Variants in DLG3 observed in about 807,000 individuals in gnomAD.
DLG3 encodes discs large MAGUK scaffold protein 3, also known as disks large homolog 3.
In DLG3, 1 loss-of-function variant was observed where a neutral mutation model predicts 64.1. That is an observed-to-expected ratio of 0.02 (90% CI 0.01 to 0.07). The LOEUF (loss-of-function observed/expected upper bound fraction) is 0.07, where lower values mean the gene tolerates loss of function less well. Among genes scored for constraint, DLG3 ranks in the 10% least tolerant of loss-of-function variants. The pLI, the probability that DLG3 is intolerant of heterozygous loss-of-function variation, is 1.00. For missense variants in DLG3, 429 were observed against 669.5 expected, an observed-to-expected ratio of 0.64 and a Z score of 3.96; for synonymous variants, 245 against 259.8, an observed-to-expected ratio of 0.94 and a Z score of 0.55.
intron 1 of DLG3, among the ~76,000 whole-genome samples, chrX:70,446,835 G>A (rs1368432879): frequency 8.9e-6 from 1 of 112,410 alleles, no homozygotes; most frequent in African/African-American, 3.2e-5. Flanking sequence ...GAGGGCAGGT[G>A]ATGACTTCCC....
At chrX:70,476,310 G>A (rs1197893583) in intron 9 of DLG3, among the ~76,000 whole-genome samples, 2 of 111,737 alleles carry the variant, frequency 1.8e-5, no homozygotes, top group Non-Finnish European at 3.8e-5. Context: ...GGGCCCTCTG[G>A]GTTAGAGGCT....
intron 9 of DLG3, among the ~76,000 whole-genome samples, chrX:70,472,249 C>T (rs1391176378): frequency 1.8e-5 from 2 of 111,876 alleles, no homozygotes; most frequent in African/African-American, 3.2e-5. Flanking sequence ...GAAGGGATGG[C>T]GCTAAACCAA....
chrX:70,446,072 A>G (rs973903046), intron 1 of DLG3, among the ~76,000 whole-genome samples: 1 of 110,962 alleles, frequency 9.0e-6, no homozygotes, highest in Non-Finnish European at 1.9e-5. Context: ...CCTTGATGCC[A>G]TGAGTCCCTC....
intron 9 of DLG3, among the ~76,000 whole-genome samples, chrX:70,471,416 G>A (rs7888744): frequency 0.26 from 27,592 of 105,313 alleles, 3,236 homozygotes; most frequent in African/African-American, 0.41. Context: ...TGCAAGCTCC[G>A]CCTCCTGGGT....
intron 9 of DLG3, among the ~76,000 whole-genome samples, chrX:70,463,124 A>G (rs1424824679): frequency 9.0e-6 from 1 of 111,549 alleles, no homozygotes; most frequent in Non-Finnish European, 1.9e-5. Flanking sequence ...CAGTAATGAG[A>G]ATGAGTTATT....
At chrX:70,465,413 A>T (rs2086869720) in intron 9 of DLG3, among the ~76,000 whole-genome samples, 1 of 112,228 alleles carries the variant, frequency 8.9e-6, no homozygotes, top group African/African-American at 3.2e-5. Flanking sequence ...TGAAGCCAGG[A>T]GCAGTGTGGA....
Position 70,505,366 on chromosome X carries a change from C to T in DLG3, c.*3097C>T, listed in dbSNP as rs747803334. 1.2e-4 allele frequency: 14 copies of T among 112,213 alleles called. No individual in the cohort carries two copies. Among genetic ancestry groups the T allele is most frequent in the African/African-American group, 4.2e-4 (13 of 30,912 alleles). 9.2% of individuals were successfully genotyped at this position (112,213 alleles called of 1,213,427 possible). A position where few individuals can be genotyped will look rare whatever the true frequency, so the allele number is the denominator to read the frequency against. On this transcript the variant is annotated 3_prime_UTR_variant, in exon 19 of 19. Coordinates refer to ENST00000374360, the MANE Select transcript of DLG3 (RefSeq NM_021120.4). ...AAGGAGGAGAGAGCCCTATCTCCTC[C>T]TGGTTTTGTTGCTGACATTGCAGCT...
intron 12 of DLG3, chrX:70,493,401 G>T (rs1465070095): frequency 1.7e-6 from 2 of 1,207,039 alleles, no homozygotes; most frequent in Non-Finnish European, 2.2e-6. Flanking sequence ...CGTAAAAAGA[G>T]TTTCCGCCTC....
At chrX:70,451,801 C>T in intron 6 of DLG3, 66 bp from the exon 7 acceptor site, 1 of 1,171,185 alleles carries the variant, frequency 8.5e-7, no homozygotes, top group African/African-American at 1.8e-5. Flanking sequence ...GGGGAAAGTC[C>T]TTGAGGAGTT....
At chrX:70,472,033 A>G (rs1387467650) in intron 9 of DLG3, among the ~76,000 whole-genome samples, 1 of 111,875 alleles carries the variant, frequency 8.9e-6, no homozygotes, top group Non-Finnish European at 1.9e-5. Flanking sequence ...TGCTATCTCA[A>G]GCACTTATAA....
At chrX:70,496,994 C>T (rs181113207) in intron 13 of DLG3, among the ~76,000 whole-genome samples, 27 of 112,225 alleles carry the variant, frequency 2.4e-4, no homozygotes, top group Non-Finnish European at 3.9e-4. Flanking sequence ...GGGACAAGTA[C>T]GAGAGGGCCA....
chrX:70,488,609 G>A (rs2147864773), intron 10 of DLG3, among the ~76,000 whole-genome samples: 1 of 112,178 alleles, frequency 8.9e-6, no homozygotes, highest in Admixed American at 9.4e-5. Flanking sequence ...GATTAGCCTG[G>A]TAGAGAAGAT....
chrX:70,446,430 C>CG (rs1216453844), intron 1 of DLG3, among the ~76,000 whole-genome samples: 2 of 17,013 alleles, frequency 1.2e-4, no homozygotes, highest in South Asian at 2.7e-3. Context: ...GGTGGGGTGG[C>CG]GGGGGGCGGG....
chrX:70,482,341 G>T (rs1302878588), intron 10 of DLG3, among the ~76,000 whole-genome samples: 1 of 112,113 alleles, frequency 8.9e-6, no homozygotes, highest in Non-Finnish European at 1.9e-5. Flanking sequence ...AGATAAAGGG[G>T]AACAAACATT....
rs1034875426 is a variant in DLG3 at position 70,450,087 on chromosome X, G to GGGA, written c.704-79_704-77dup. 3.5e-6 allele frequency: 4 copies of GGGA among 1,154,983 alleles called. No homozygotes were observed. In the African/African-American group the frequency reaches 7.1e-5, roughly 20 times the overall value. On this transcript the variant is annotated intron_variant, in intron 4 of 18. Coordinates refer to ENST00000374360, the MANE Select transcript of DLG3 (RefSeq NM_021120.4). ...CCTGTGGGGCCAGTGGGTTGGCTGG[G>GGGA]GGAGGGGGTTTGGATTTGGGATCGA...
chrX:70,450,630 C>G lies in DLG3; in HGVS notation c.841-9C>G. ...TCCAAGTCCCAGCCTGAGGCCTCTC[C>G]TCTTCTAGGTGAACAACACCAATCT... On this transcript the variant is annotated splice_polypyrimidine_tract_variant and intron_variant, in intron 5 of 18. Coordinates refer to ENST00000374360, the MANE Select transcript of DLG3 (RefSeq NM_021120.4). 1 of 1,211,690 alleles carries G rather than the reference C, an allele frequency of 8.3e-7. No individual in the cohort carries two copies.
At chrX:70,481,613 C>T (rs185860636) in intron 10 of DLG3, among the ~76,000 whole-genome samples, 2 of 111,920 alleles carry the variant, frequency 1.8e-5, no homozygotes, top group Admixed American at 9.5e-5. Flanking sequence ...TTCACTAGCC[C>T]GAAAGGAAGC....
chrX:70,484,465 A>G (rs2087219216), intron 10 of DLG3, among the ~76,000 whole-genome samples: 1 of 112,115 alleles, frequency 8.9e-6, no homozygotes, highest in Non-Finnish European at 1.9e-5. Context: ...TTGCTTGTTA[A>G]TGAGTTTCAA....
intron 13 of DLG3, among the ~76,000 whole-genome samples, 164 bp from the exon 14 acceptor site, chrX:70,498,356 G>T (rs758833097): frequency 8.9e-6 from 1 of 112,516 alleles, no homozygotes; most frequent in African/African-American, 3.2e-5. Context: ...CAGAGCCAGT[G>T]AAGGGTTTCA....
Sources: gnomAD v4.1 joint callset for allele counts (sites outside exome capture counted in the v4.1 genomes callset) on GRCh38, gnomAD v4.1.1 for gene constraint, MANE v1.5 for transcripts, NCBI Gene and HGNC (gene_info 2026-07-23, HGNC 2026-07-21) for gene names.